The following CHRM2 variants were observed in gnomAD, a reference collection of about 807,000 sequenced individuals.
The protein encoded by CHRM2 is muscarinic acetylcholine receptor M2.
CHRM2 carries 8 observed loss-of-function variants against 25.0 expected under a neutral mutation model. The observed-to-expected ratio is 0.32, with a 90% CI of 0.19 to 0.58. The LOEUF is 0.58. Among genes scored for constraint, CHRM2 ranks in the 20% least tolerant of loss-of-function variants. The probability of loss-of-function intolerance (pLI) is 0.88; values close to 1 mark genes in which losing one functional copy is unlikely to be tolerated. For missense variants in CHRM2, 440 were observed against 567.1 expected (o/e 0.78, Z 2.28); for synonymous variants, 202 against 205.7 (o/e 0.98, Z 0.15).
intron 2 of CHRM2, among the ~76,000 whole-genome samples, chr7:136,966,811 G>A (rs1801444957): frequency 1.3e-5 from 2 of 151,554 alleles, no homozygotes; most frequent in East Asian, 1.9e-4. Context: ...TTAAAATAAT[G>A]TATTGATGTG....
rs534430884 is a variant in CHRM2 at position 136,946,804 on chromosome 7, T to C, written c.-124-45383T>C. 3.3e-5 allele frequency among the ~76,000 whole-genome samples: 5 copies of C among 152,258 alleles called. No homozygotes were observed. The East Asian group carries it at 9.7e-4, about 29-fold the overall frequency. On this transcript the variant is annotated intron_variant, in intron 2 of 3. Coordinates refer to ENST00000680005, the MANE Select transcript of CHRM2 (RefSeq NM_001006630.2). ...TCTCCAAATTAAAGGCAGGGAGGTA[T>C]GGAAATACTTATGATGGAAGAATTT...
chr7:136,883,824 T>A (rs1275064400), intron 2 of CHRM2, among the ~76,000 whole-genome samples: 1 of 152,164 alleles, frequency 6.6e-6, no homozygotes. Context: ...TAATGACAGG[T>A]ATGAAATGAC....
intron 3 of CHRM2, among the ~76,000 whole-genome samples, chr7:137,003,489 C>T (rs879582586): frequency 0.15 from 2,234 of 15,194 alleles, 41 homozygotes; most frequent in African/African-American, 0.23. Flanking sequence ...CACACACACA[C>T]ACACACACAC....
At chr7:136,947,322 T>C (rs1800130437) in intron 2 of CHRM2, among the ~76,000 whole-genome samples, 1 of 152,238 alleles carries the variant, frequency 6.6e-6, no homozygotes, top group Non-Finnish European at 1.5e-5. Context: ...CCTTAAGTTT[T>C]CTCATTTTCT....
intron 2 of CHRM2, among the ~76,000 whole-genome samples, chr7:136,885,325 C>T (rs900387064): frequency 2.0e-5 from 3 of 152,222 alleles, no homozygotes; most frequent in Non-Finnish European, 4.4e-5. Context: ...GAGCAGGTCT[C>T]ACATACTCCC....
At position 137,015,268 on chromosome 7, in the gene CHRM2, C is replaced by T. The variant is rs748172206; in HGVS notation, c.403C>T (p.Arg135Trp). Residue 135 changes from arginine to tryptophan, a missense_variant, in exon 4 of 4, where the codon CGG (arginine) becomes TGG (tryptophan). By Grantham distance (101) the Arg-to-Trp change is moderately radical (BLOSUM62 -3). Transcript: ENST00000680005. The surrounding 1 kb of genome is among the most constrained non-coding windows in gnomAD (Gnocchi z 5.1). ...VTKPLTYPVK[R>W]TTKMAGMMIA... is the part of the protein sequence containing the mutation. The stretch of plus-strand genomic sequence containing the variant: ...AAAACCTCTGACCTACCCAGTCAAG[C>T]GGACCACAAAAATGGCAGGTATGAT... 1.2e-6 allele frequency: 2 copies of T among 1,613,306 alleles called. No homozygotes were observed. The highest frequency in any genetic ancestry group is 1.1e-5 in the South Asian group (1 of 91,076).
At chr7:136,977,286 C>T (rs1407096119) in intron 2 of CHRM2, among the ~76,000 whole-genome samples, 2 of 152,134 alleles carry the variant, frequency 1.3e-5, no homozygotes, top group Non-Finnish European at 2.9e-5. Flanking sequence ...TCTAATGGTA[C>T]AGGAAGCTGT....
At chr7:136,999,565 A>C (rs1803847939) in intron 3 of CHRM2, among the ~76,000 whole-genome samples, 1 of 148,136 alleles carries the variant, frequency 6.8e-6, no homozygotes, top group Non-Finnish European at 1.5e-5. Context: ...ACCCCACAAC[A>C]GGCCCCGGTG....
In CHRM2 at chr7:136,870,734, C is replaced by T. The variant is rs117789982; in HGVS notation, c.-125+1316C>T. ...GCAGAACTGTCGGTGGACATTTCACCCAGGCCGCCCTCCCGCGTCTTTAAG... is the reference window on the plus strand; with the variant it reads ...GCAGAACTGTCGGTGGACATTTCACTCAGGCCGCCCTCCCGCGTCTTTAAG... On this transcript the variant is annotated intron_variant, in intron 2 of 3. Transcript: ENST00000680005. 6.2e-3 allele frequency: 937 copies of T among 152,336 alleles called. 5 individuals are homozygous for T. Among genetic ancestry groups the T allele is most frequent in the Non-Finnish European group, 9.9e-3 (673 of 68,118 alleles). The allele number at this position is 152,336 out of a possible 1,614,324, so 9.4% of individuals were successfully genotyped here. A position where few individuals can be genotyped will look rare whatever the true frequency, so the allele number is the denominator to read the frequency against.
intron 3 of CHRM2, among the ~76,000 whole-genome samples, chr7:137,011,380 T>C (rs1338211274): frequency 3.3e-5 from 5 of 151,818 alleles, no homozygotes; most frequent in African/African-American, 1.2e-4. Context: ...ACTCTTAGAA[T>C]GAGGCCGAAA....
chr7:136,965,608 T>C (rs1312864208), intron 2 of CHRM2, among the ~76,000 whole-genome samples: 2 of 151,986 alleles, frequency 1.3e-5, no homozygotes, highest in Non-Finnish European at 2.9e-5. Flanking sequence ...TAAATGACAC[T>C]GTAATTAAAA....
chr7:136,923,402 C>T (rs1368389288), intron 2 of CHRM2, among the ~76,000 whole-genome samples: 1 of 151,940 alleles, frequency 6.6e-6, no homozygotes, highest in African/African-American at 2.4e-5. Flanking sequence ...CCTGCTCTGT[C>T]TACACAAACG....
rs182709194 is a variant in CHRM2, at chr7:137,006,376, A to C, written c.-46-8444A>C. On this transcript the variant is annotated intron_variant, in intron 3 of 3. Transcript: ENST00000680005. The stretch of plus-strand genomic sequence containing the variant: ...TTTACACCCATTTCCCCCTTATGAC[A>C]CTGTTTTTGGGTAAGTGGTGTTTAG... Among the ~76,000 whole-genome samples, 30 of 152,142 alleles carry C rather than the reference A, an allele frequency of 2.0e-4. No individual in the cohort carries two copies. In the East Asian group the frequency reaches 5.8e-3, roughly 30 times the overall value.
intron 2 of CHRM2, among the ~76,000 whole-genome samples, chr7:136,952,579 T>A (rs201976443): frequency 5.1e-5 from 1 of 19,694 alleles, no homozygotes; most frequent in Non-Finnish European, 1.3e-4. Flanking sequence ...TTTTTAAAAC[T>A]TTTTTTTTTA....
At chr7:136,904,185 C>T (rs1466514438) in intron 2 of CHRM2, among the ~76,000 whole-genome samples, 1 of 151,630 alleles carries the variant, frequency 6.6e-6, no homozygotes, top group Non-Finnish European at 1.5e-5. Flanking sequence ...TGGTAGCTTC[C>T]CCTTCATCCT....
In CHRM2 at chr7:136,869,021, A is replaced by C. The variant is rs1257896449; in HGVS notation, c.-283+29A>C. On this transcript the variant is annotated intron_variant, in intron 1 of 3. Coordinates refer to ENST00000680005, the MANE Select transcript of CHRM2 (RefSeq NM_001006630.2). The surrounding 1 kb of genome is among the most constrained non-coding windows in gnomAD (Gnocchi z 4.9). ...TGAAAGTCTTGTTTGCTTCTCCTTT[A>C]GTGGTTTGGCGTGGAGGGCGGGGGC... 6.6e-6 allele frequency: 1 copy of C among 152,206 alleles called. No homozygotes were observed. The highest frequency in any genetic ancestry group is 1.5e-5 in the Non-Finnish European group (1 of 68,104). 9.4% of individuals were successfully genotyped at this position (152,206 alleles called of 1,614,324 possible). A position where few individuals can be genotyped will look rare whatever the true frequency, so the allele number is the denominator to read the frequency against.
chr7:136,923,642 A>G (rs1374291562), intron 2 of CHRM2, among the ~76,000 whole-genome samples: 2 of 152,252 alleles, frequency 1.3e-5, no homozygotes, highest in Non-Finnish European at 2.9e-5. Flanking sequence ...GCATGTGCAT[A>G]TACCATGTAT....
At chr7:137,002,329 T>C (rs567923819) in intron 3 of CHRM2, among the ~76,000 whole-genome samples, 2 of 152,320 alleles carry the variant, frequency 1.3e-5, no homozygotes, top group Admixed American at 6.5e-5. Context: ...ATTTGACATA[T>C]GAAATTTTGT....
At chr7:137,003,626 T>TCACAGAATCCTA (rs1186369558) in intron 3 of CHRM2, among the ~76,000 whole-genome samples, 2 of 152,002 alleles carry the variant, frequency 1.3e-5, no homozygotes, top group Non-Finnish European at 2.9e-5. Flanking sequence ...TAGTAACTAC[T>TCACAGAATCCTA]CACAGAATCC....
Sources: gnomAD v4.1 joint callset for allele counts (sites outside exome capture counted in the v4.1 genomes callset) on GRCh38, gnomAD v4.1.1 for gene constraint, Gnocchi (gnomAD v3.1) non-coding constraint, MANE v1.5 for transcripts, NCBI Gene and HGNC (gene_info 2026-07-23, HGNC 2026-07-21) for gene names.